Variants in SV2C observed in about 807,000 individuals in gnomAD.
SV2C encodes synaptic vesicle glycoprotein 2C.
In SV2C, 49 loss-of-function variants were observed where a neutral mutation model predicts 79.7. That is an observed-to-expected ratio of 0.61 (90% CI 0.49 to 0.78). SV2C has a LOEUF of 0.78. Among genes scored for constraint, SV2C ranks in the 30% least tolerant of loss-of-function variants. The pLI is 0.00. For synonymous variants in SV2C, 334 were observed against 333.2 expected, an observed-to-expected ratio of 1.00 and a Z score of -0.03; for missense variants, 833 against 912.9, an observed-to-expected ratio of 0.91 and a Z score of 1.13.
intron 2 of SV2C, among the ~76,000 whole-genome samples, chr5:76,187,327 G>A: frequency 6.6e-6 from 1 of 152,176 alleles, no homozygotes; most frequent in Non-Finnish European, 1.5e-5. Context: ...AACTGTCTTA[G>A]GCCCGCATGT....
At chr5:76,263,819 T>G (rs1205882581) in intron 4 of SV2C, among the ~76,000 whole-genome samples, 1 of 151,960 alleles carries the variant, frequency 6.6e-6, no homozygotes, top group Admixed American at 6.6e-5. Flanking sequence ...GGGTTCCCTT[T>G]GTAGGTAACC....
At chr5:75,914,965 T>A in the SV2C span, among the ~76,000 whole-genome samples, 1 of 152,208 alleles carries the variant, frequency 6.6e-6, no homozygotes, top group Non-Finnish European at 1.5e-5. Context: ...ACATCTCATG[T>A]GGTGGCAGAC....
chr5:75,860,515 A>G, the SV2C span, among the ~76,000 whole-genome samples: 158 of 152,342 alleles, frequency 1.0e-3, 2 homozygotes, highest in Non-Finnish European at 2.1e-4. Flanking sequence ...CATAGTGCCC[A>G]AAGCTATCTA....
At chr5:75,956,958 C>T in the SV2C span, among the ~76,000 whole-genome samples, 2 of 151,974 alleles carry the variant, frequency 1.3e-5, no homozygotes, top group Non-Finnish European at 2.9e-5. Context: ...CTACTCTCCT[C>T]CTCCCTATTA....
the SV2C span, among the ~76,000 whole-genome samples, chr5:76,000,122 T>C: frequency 6.6e-6 from 1 of 152,120 alleles, no homozygotes; most frequent in African/African-American, 2.4e-5. Flanking sequence ...AGTCCACCAA[T>C]TCAAATGCTT....
chr5:76,083,533 G>T (rs1014766232), intron 1 of SV2C, 21 bp downstream of exon 1: 1 of 152,358 alleles, frequency 6.6e-6, no homozygotes, highest in Non-Finnish European at 1.5e-5. Flanking sequence ...GAGGTGAAGC[G>T]GGCATCCGCG....
the SV2C span, chr5:76,075,676 A>G: frequency 4.7e-4 from 161 of 341,712 alleles, no homozygotes; most frequent in Non-Finnish European, 8.2e-4. Context: ...GAATTAACTG[A>G]CTAGATTAGT....
the SV2C span, among the ~76,000 whole-genome samples, chr5:75,969,445 C>T: frequency 6.6e-6 from 1 of 152,056 alleles, no homozygotes; most frequent in African/African-American, 2.4e-5. Context: ...CATGCAGAGA[C>T]ACACATAGGC....
chr5:76,340,678 G>A, intron 12 of SV2C, among the ~76,000 whole-genome samples: 1 of 152,232 alleles, frequency 6.6e-6, no homozygotes, highest in East Asian at 1.9e-4. Flanking sequence ...GGAAATTGGA[G>A]AAAAGCAAGG....
chr5:76,216,252 T>C (rs1407877407), intron 4 of SV2C, among the ~76,000 whole-genome samples: 2 of 152,160 alleles, frequency 1.3e-5, no homozygotes, highest in African/African-American at 4.8e-5. Context: ...AGATGGTTGC[T>C]AACATCTGAA....
intron 12 of SV2C, among the ~76,000 whole-genome samples, chr5:76,323,213 A>G (rs530648956): frequency 6.6e-6 from 1 of 152,384 alleles, no homozygotes; most frequent in South Asian, 2.1e-4. Context: ...AACTTCATCA[A>G]CAAGGGGGCA....
At position 76,132,248 on chromosome 5, in the gene SV2C, T is replaced by A; in HGVS notation, c.498T>A (p.Gly166=). The A allele has an allele frequency of 1.2e-6, 2 of 1,613,944 alleles. No homozygotes were observed. The highest frequency in any genetic ancestry group is 1.7e-6 in the Non-Finnish European group (2 of 1,179,976). Residue 166 remains glycine (G), a synonymous_variant, in exon 2 of 13, where the codon GGT becomes GGA. Transcript: ENST00000502798. ...TGGGCATGGCTCTTATGGCAGACGGTGTAGAGGTGTTTGTCGTTGGCTTCG... is the reference window on the plus strand; with the variant it reads ...TGGGCATGGCTCTTATGGCAGACGGAGTAGAGGTGTTTGTCGTTGGCTTCG... ...FVLGMALMAD[G]VEVFVVGFVL...
At chr5:76,182,737 G>T (rs540945049) in intron 2 of SV2C, among the ~76,000 whole-genome samples, 1 of 152,194 alleles carries the variant, frequency 6.6e-6, no homozygotes, top group South Asian at 2.1e-4. Flanking sequence ...GGCTATTCCT[G>T]CATTGCTATA....
intron 4 of SV2C, among the ~76,000 whole-genome samples, chr5:76,247,182 C>T (rs111398645): frequency 1.8e-3 from 281 of 152,232 alleles, no homozygotes; most frequent in African/African-American, 6.5e-3. Flanking sequence ...TGAAGAAGGA[C>T]TAACTAAGGA....
chr5:76,183,833 CATTCATT>C, intron 2 of SV2C, among the ~76,000 whole-genome samples: 1 of 152,294 alleles, frequency 6.6e-6, no homozygotes. Flanking sequence ...GGAGGCTTCT[CATTCATT>C]ATTCAAAACC....
intron 2 of SV2C, among the ~76,000 whole-genome samples, chr5:76,143,953 A>G (rs757680321): frequency 6.6e-6 from 1 of 152,228 alleles, no homozygotes; most frequent in African/African-American, 2.4e-5. Flanking sequence ...TCAAATAAAG[A>G]GGAAATGATT....
intron 6 of SV2C, 36 bp downstream of exon 6, chr5:76,285,906 G>A (rs755989071): frequency 1.3e-6 from 2 of 1,571,992 alleles, no homozygotes; most frequent in South Asian, 1.1e-5. Flanking sequence ...CAACACCAGG[G>A]ATTGGGACAT....
chr5:76,346,908 G>C (rs1016872802), intron 12 of SV2C, among the ~76,000 whole-genome samples: 1 of 152,184 alleles, frequency 6.6e-6, no homozygotes, highest in African/African-American at 2.4e-5. Context: ...AACTTGGCTT[G>C]TGCTGTCTCC....
At chr5:76,317,413 T>C (rs1748660278) in intron 12 of SV2C, among the ~76,000 whole-genome samples, 1 of 151,946 alleles carries the variant, frequency 6.6e-6, no homozygotes, top group African/African-American at 2.4e-5. Flanking sequence ...TCCAAAAATT[T>C]ATTCTAGACA....
Sources: allele counts gnomAD v4.1 joint callset (sites outside exome capture counted in the v4.1 genomes callset), GRCh38; gene constraint gnomAD v4.1.1; transcripts MANE v1.5; gene names NCBI Gene and HGNC (gene_info 2026-07-23, HGNC 2026-07-21).